Variants in CEP350 observed in about 807,000 individuals in gnomAD.
CEP350 encodes the protein centrosomal protein 350.
In CEP350, 126 loss-of-function variants were observed where a neutral mutation model predicts 331.8. The observed-to-expected ratio is 0.38, with a 90% CI of 0.33 to 0.44. The LOEUF is 0.44. Among genes scored for constraint, CEP350 ranks in the 20% least tolerant of loss-of-function variants. The probability of loss-of-function intolerance (pLI) is 1.00; values close to 1 mark genes in which losing one functional copy is unlikely to be tolerated. For missense variants in CEP350, 3,406 were observed against 3,634.6 expected (o/e 0.94, Z 1.62); for synonymous variants, 1,200 against 1,259.5 (o/e 0.95, Z 1.00).
At position 180,092,642 on chromosome 1, in the gene CEP350, A is replaced by T; in HGVS notation, c.6537A>T (p.Ser2179=). 1.3e-6 allele frequency: 2 copies of T among 1,591,464 alleles called. No homozygotes were observed. The highest frequency in any genetic ancestry group is 1.7e-6 in the Non-Finnish European group (2 of 1,168,992). Residue 2179 remains serine, a synonymous_variant, in exon 34 of 38, where the codon TCA becomes TCT. Coordinates refer to ENST00000367607, the MANE Select transcript of CEP350 (RefSeq NM_014810.5). ...CTTCACTGTCTGGTTCTGAGAGATC[A>T]GTATCAGAAAGGTCTTTATCTGCAT... is the stretch of plus-strand genomic sequence containing the variant. ...VDASLSGSER[S]VSERSLSAYA...
intron 1 of CEP350, among the ~76,000 whole-genome samples, chr1:179,977,644 C>T (rs887488489): frequency 6.6e-6 from 1 of 152,146 alleles, no homozygotes; most frequent in Non-Finnish European, 1.5e-5. Flanking sequence ...GAAAATAAAG[C>T]AGTCCAAAAG....
At chr1:180,005,658 T>A (rs538420939) in intron 7 of CEP350, among the ~76,000 whole-genome samples, 1 of 152,340 alleles carries the variant, frequency 6.6e-6, no homozygotes, top group South Asian at 2.1e-4. Flanking sequence ...CATCTCATTC[T>A]TGAGTAAAAC....
chr1:180,037,993 C>T (rs1038951378), intron 17 of CEP350, among the ~76,000 whole-genome samples: 2 of 152,052 alleles, frequency 1.3e-5, no homozygotes, highest in Non-Finnish European at 2.9e-5. Context: ...ATGTAAGAAC[C>T]ACCCTAATCA....
In CEP350 at chr1:180,093,396, A is replaced by G; in HGVS notation, c.7291A>G (p.Ser2431Gly). Reference sequence around the variant, plus strand: ...TACAAGTGGAGCCACTAGCTTTGGTAGTAATGAGGAAATCAGTGAGTGCCT... The same window carrying G: ...TACAAGTGGAGCCACTAGCTTTGGTGGTAATGAGGAAATCAGTGAGTGCCT... The part of the protein sequence containing the change: ...SSTSGATSFG[S>G]NEEISECLSE... The change falls in exon 34 of 38, where the codon AGT (serine) becomes GGT (glycine). Residue 2431 changes from serine to glycine, a missense_variant. Physicochemically the swap from Ser to Gly is moderately conservative, Grantham distance 56. Coordinates refer to ENST00000367607, the MANE Select transcript of CEP350 (RefSeq NM_014810.5). The G allele has an allele frequency of 6.3e-7, 1 of 1,599,162 alleles. No homozygotes were observed. The highest frequency in any genetic ancestry group is 8.5e-7 in the Non-Finnish European group (1 of 1,172,492).
chr1:180,039,403 AT>A (rs1656604454), intron 17 of CEP350, among the ~76,000 whole-genome samples: 1 of 152,112 alleles, frequency 6.6e-6, no homozygotes, highest in Admixed American at 6.6e-5. Context: ...AAGCTTTATA[AT>A]TTTATCTTTC....
chr1:180,071,582 G>A (rs111406505), intron 27 of CEP350, among the ~76,000 whole-genome samples: 2 of 152,028 alleles, frequency 1.3e-5, no homozygotes, highest in African/African-American at 4.8e-5. Flanking sequence ...TTCAAGACCA[G>A]CCTGGCCAAC....
chr1:180,043,837 C>A (rs1656935061), intron 20 of CEP350, among the ~76,000 whole-genome samples: 1 of 150,818 alleles, frequency 6.6e-6, no homozygotes, highest in Non-Finnish European at 1.5e-5. Flanking sequence ...GTCTCTAATT[C>A]ATAGATTTTA....
rs1654261379 is a variant in CEP350 at position 180,006,439 on chromosome 1, A to G, written c.1133-15A>G. 8.4e-7 allele frequency: 1 copy of G among 1,186,964 alleles called. No individual in the cohort carries two copies. 73.5% of individuals were successfully genotyped at this position (1,186,964 alleles called of 1,614,324 possible). ...AATCATTGTTATATTTGCTGTAAATATTTCTGCTTTTCAGATGATATTTCT... is the reference window on the plus strand; with the variant it reads ...AATCATTGTTATATTTGCTGTAAATGTTTCTGCTTTTCAGATGATATTTCT... On this transcript the variant is annotated splice_polypyrimidine_tract_variant and intron_variant, in intron 7 of 37. Coordinates refer to ENST00000367607, the MANE Select transcript of CEP350 (RefSeq NM_014810.5).
intron 29 of CEP350, among the ~76,000 whole-genome samples, chr1:180,078,898 A>G (rs1226377540): frequency 6.6e-6 from 1 of 152,196 alleles, no homozygotes; most frequent in Non-Finnish European, 1.5e-5. Flanking sequence ...GTGAATATTG[A>G]GGGAATAGGA....
chr1:179,976,477 G>C (rs949544424), intron 1 of CEP350, among the ~76,000 whole-genome samples: 1 of 151,702 alleles, frequency 6.6e-6, no homozygotes, highest in Non-Finnish European at 1.5e-5. Context: ...CACTTTTTTT[G>C]TAGTATATTT....
chr1:180,004,894 G>GCTTTCTTT (rs1491483049), intron 7 of CEP350, among the ~76,000 whole-genome samples: 38 of 59,974 alleles, frequency 6.3e-4, no homozygotes, highest in African/African-American at 7.3e-4. Flanking sequence ...TTGCTTGCTT[G>GCTTTCTTT]CTTGCTTGCT....
At chr1:180,068,889 TAAGG>T (rs1553262454) in intron 27 of CEP350, among the ~76,000 whole-genome samples, 1 of 152,156 alleles carries the variant, frequency 6.6e-6, no homozygotes, top group Non-Finnish European at 1.5e-5. Flanking sequence ...GATCAATTGT[TAAGG>T]AAGTTCAGAA....
chr1:180,050,361 C>A (rs1417573046), intron 22 of CEP350, among the ~76,000 whole-genome samples: 1 of 151,994 alleles, frequency 6.6e-6, no homozygotes, highest in Non-Finnish European at 1.5e-5. Flanking sequence ...ATAAAGAACT[C>A]TTAAAACTCA....
chr1:180,028,835 A>G (rs1264672391), intron 14 of CEP350, among the ~76,000 whole-genome samples: 1 of 152,108 alleles, frequency 6.6e-6, no homozygotes, highest in Non-Finnish European at 1.5e-5. Context: ...TTTATTGAGT[A>G]TATGTGTATT....
chr1:179,999,294 G>T (rs966900444), intron 6 of CEP350, among the ~76,000 whole-genome samples: 4 of 151,932 alleles, frequency 2.6e-5, no homozygotes, highest in Non-Finnish European at 5.9e-5. Flanking sequence ...GAAAATCTTA[G>T]ATATAACTTT....
chr1:180,003,126 TATA>T (rs771712928), intron 6 of CEP350, 45 bp from the exon 7 acceptor site: 2 of 1,272,108 alleles, frequency 1.6e-6, no homozygotes, highest in Admixed American at 2.3e-5. Context: ...AAACAAAACT[TATA>T]AAGCAACTTT....
rs762716692 is a variant in CEP350 at position 179,990,578 on chromosome 1, C to T, written c.192C>T (p.Thr64=). The change falls in exon 4 of 38, where the codon ACC becomes ACT. Residue 64 remains threonine, a synonymous_variant. Coordinates refer to ENST00000367607, the MANE Select transcript of CEP350 (RefSeq NM_014810.5). ...CTGTGTGTGATTCTGTCATGGATAC[C>T]AAGAAGTCTTCTACAAGTGCTACTC... ...STAVCDSVMD[T]KKSSTSATRK... 1.2e-6 allele frequency: 2 copies of T among 1,604,550 alleles called. No homozygotes were observed. The highest frequency in any genetic ancestry group is 1.7e-6 in the Non-Finnish European group (2 of 1,174,752).
intron 19 of CEP350, among the ~76,000 whole-genome samples, chr1:180,042,132 TCACACACACA>T (rs59048123): frequency 4.3e-4 from 63 of 146,868 alleles, no homozygotes; most frequent in African/African-American, 1.4e-3. Context: ...GAGTTTTCTC[TCACACACACA>T]CACACACACA....
intron 14 of CEP350, among the ~76,000 whole-genome samples, chr1:180,027,747 TTC>T (rs759894555): frequency 6.6e-6 from 1 of 152,234 alleles, no homozygotes; most frequent in Non-Finnish European, 1.5e-5. Context: ...TTAGGTTATT[TTC>T]TTTTTTCTTT....
Sources: allele counts gnomAD v4.1 joint callset (sites outside exome capture counted in the v4.1 genomes callset), GRCh38; gene constraint gnomAD v4.1.1; transcripts MANE v1.5; gene names NCBI Gene and HGNC (gene_info 2026-07-23, HGNC 2026-07-21).